Variants in KCNIP4 observed in about 807,000 individuals in gnomAD.
The protein encoded by KCNIP4 is Kv channel-interacting protein 4.
A neutral mutation model predicts 34.0 loss-of-function variants in KCNIP4; 12 were observed. The observed-to-expected ratio is 0.35, with a 90% CI of 0.23 to 0.57. The LOEUF (loss-of-function observed/expected upper bound fraction) is 0.57. KCNIP4 is among the 20% of genes least tolerant of loss of function. The pLI is 0.83. For synonymous variants in KCNIP4, 124 were observed against 102.2 expected (o/e 1.21, Z -1.29); for missense variants, 238 against 311.7 (o/e 0.76, Z 1.78).
At chr4:21,139,731 G>A (rs545425981) in intron 1 of KCNIP4, among the ~76,000 whole-genome samples, 31 of 109,138 alleles carry the variant, frequency 2.8e-4, no homozygotes, top group Non-Finnish European at 4.9e-4. Context: ...CGGGCTTACT[G>A]TCTTTCTCTC....
At chr4:20,987,754 T>A (rs1005560932) in intron 1 of KCNIP4, among the ~76,000 whole-genome samples, 2 of 151,288 alleles carry the variant, frequency 1.3e-5, no homozygotes, top group Non-Finnish European at 2.9e-5. Flanking sequence ...AATCCCAGCA[T>A]TTTGGGAGGC....
intron 1 of KCNIP4, among the ~76,000 whole-genome samples, chr4:21,069,687 T>C (rs1485878683): frequency 5.9e-5 from 9 of 152,198 alleles, no homozygotes; most frequent in African/African-American, 9.6e-5. Context: ...GGGAAGAAGA[T>C]ACAGAAAAAT....
At chr4:21,575,495 T>A (rs1236467850) in intron 1 of KCNIP4, among the ~76,000 whole-genome samples, 1 of 61,864 alleles carries the variant, frequency 1.6e-5, no homozygotes, top group Non-Finnish European at 2.8e-5. Context: ...TTTCTCCTTC[T>A]CCTTATCTTT....
chr4:21,422,600 G>C (rs1450846569), intron 1 of KCNIP4, among the ~76,000 whole-genome samples: 1 of 152,116 alleles, frequency 6.6e-6, no homozygotes, highest in Non-Finnish European at 1.5e-5. Context: ...TCAAGTGAGA[G>C]AAAGCAAGGA....
intron 2 of KCNIP4, among the ~76,000 whole-genome samples, chr4:20,870,335 C>A (rs1723313383): frequency 6.6e-6 from 1 of 152,008 alleles, no homozygotes; most frequent in African/African-American, 2.4e-5. Context: ...CTCTCCCACT[C>A]CACCATGTGA....
chr4:21,354,240 T>A (rs957448069), intron 1 of KCNIP4, among the ~76,000 whole-genome samples: 18 of 152,044 alleles, frequency 1.2e-4, no homozygotes, highest in Non-Finnish European at 1.8e-4. Context: ...ACTGCATCAA[T>A]TAAGGGGCAA....
chr4:21,355,920 C>T (rs568812802), intron 1 of KCNIP4, among the ~76,000 whole-genome samples: 73 of 152,220 alleles, frequency 4.8e-4, no homozygotes, highest in South Asian at 1.9e-3. Context: ...ACTGGCAAAC[C>T]GAATCCAGCA....
At chr4:21,793,421 CTAATTTTTG>C (rs33995917) in intron 1 of KCNIP4, among the ~76,000 whole-genome samples, 15,885 of 151,834 alleles carry the variant, frequency 0.1, 2,834 homozygotes, top group African/African-American at 0.36. Context: ...CCATGCCCGG[CTAATTTTTG>C]TAATTTTTGT....
At chr4:21,075,319 C>T (rs570362382) in intron 1 of KCNIP4, among the ~76,000 whole-genome samples, 2 of 152,160 alleles carry the variant, frequency 1.3e-5, no homozygotes, top group African/African-American at 2.4e-5. Flanking sequence ...AATCTGGGTG[C>T]TCTTGTATTG....
chr4:21,560,338 T>C lies in KCNIP4; in HGVS notation c.61+388233A>G, dbSNP rs1739412996. On this transcript the variant is annotated intron_variant, in intron 1 of 8. Coordinates refer to ENST00000382152, the MANE Select transcript of KCNIP4 (RefSeq NM_025221.6). ...TCTGATTAAAGGCCTTTGAAGCAAA[T>C]GGACCATAGCTGTTTTTGCAATTGA... is the stretch of plus-strand genomic sequence containing the variant. Among the ~76,000 whole-genome samples the C allele has an allele frequency of 2.0e-5, 3 of 151,466 alleles. No homozygotes were observed. In the South Asian group the frequency reaches 6.2e-4, roughly 32 times the overall value.
intron 1 of KCNIP4, among the ~76,000 whole-genome samples, chr4:21,013,841 T>G (rs1429244703): frequency 6.6e-6 from 1 of 152,226 alleles, no homozygotes; most frequent in African/African-American, 2.4e-5. Context: ...TCAGTTCTAG[T>G]ATTTCTAGAA....
chr4:21,485,897 G>A (rs537954306), intron 1 of KCNIP4, among the ~76,000 whole-genome samples: 1 of 152,268 alleles, frequency 6.6e-6, no homozygotes, highest in Admixed American at 6.5e-5. Flanking sequence ...CAGCAAACAG[G>A]AAAGCCTGGT....
intron 1 of KCNIP4, among the ~76,000 whole-genome samples, chr4:21,914,637 C>T (rs1334679007): frequency 2.0e-5 from 3 of 152,102 alleles, no homozygotes; most frequent in Non-Finnish European, 4.4e-5. Context: ...CATCCTAGGC[C>T]GATCTTGATT....
intron 1 of KCNIP4, among the ~76,000 whole-genome samples, chr4:21,672,744 A>G (rs929720936): frequency 6.6e-6 from 1 of 152,314 alleles, no homozygotes; most frequent in Middle Eastern, 3.4e-3. Context: ...GCAAACATTG[A>G]TCTCACAGTT....
At position 20,979,438 on chromosome 4, in the gene KCNIP4, G is replaced by A. The variant is rs551831572; in HGVS notation, c.62-96729C>T. Among the ~76,000 whole-genome samples, 165 of 139,812 alleles carry A rather than the reference G, an allele frequency of 1.2e-3. 1 individual carries two copies. Among genetic ancestry groups the A allele is most frequent in the Middle Eastern group, 4.0e-3 (1 of 252 alleles). 91.7% of individuals were successfully genotyped at this position (139,812 alleles called of 152,430 possible). A position where few individuals can be genotyped will look rare whatever the true frequency, so the allele number is the denominator to read the frequency against. ...TTTTGAGATGGAGTCTCACTCTGTC[G>A]CCCAGGCTGGAGTGCAGTGGCGAGA... On this transcript the variant is annotated intron_variant, in intron 1 of 8. Coordinates refer to ENST00000382152, the MANE Select transcript of KCNIP4 (RefSeq NM_025221.6).
At chr4:21,749,104 T>C (rs557084686) in intron 1 of KCNIP4, among the ~76,000 whole-genome samples, 33 of 152,250 alleles carry the variant, frequency 2.2e-4, no homozygotes, top group African/African-American at 7.7e-4. Flanking sequence ...AAAAATATAA[T>C]GTGGCAAATT....
chr4:21,270,853 G>A (rs771361425), intron 1 of KCNIP4, among the ~76,000 whole-genome samples: 5 of 151,990 alleles, frequency 3.3e-5, no homozygotes, highest in African/African-American at 7.3e-5. Flanking sequence ...CAGGAATGTG[G>A]TGTGCACCTA....
chr4:21,062,659 C>T (rs1418882679), intron 1 of KCNIP4, among the ~76,000 whole-genome samples: 2 of 152,038 alleles, frequency 1.3e-5, no homozygotes, highest in African/African-American at 4.8e-5. Context: ...AGAGCTGGTG[C>T]TATAGTTTTT....
intron 1 of KCNIP4, among the ~76,000 whole-genome samples, chr4:21,580,869 A>G (rs1358452568): frequency 2.0e-5 from 3 of 152,092 alleles, no homozygotes; most frequent in Admixed American, 1.3e-4. Flanking sequence ...AGAATGGAAG[A>G]GAAAAGCCAG....
Sources: allele counts gnomAD v4.1 joint callset (sites outside exome capture counted in the v4.1 genomes callset), GRCh38; gene constraint gnomAD v4.1.1; transcripts MANE v1.5; gene names NCBI Gene and HGNC (gene_info 2026-07-23, HGNC 2026-07-21).